The following TPRN variants were observed in gnomAD, a reference collection of about 807,000 sequenced individuals.
TPRN encodes chromosome 9 open reading frame 75.
TPRN carries 32 observed loss-of-function variants against 42.6 expected under a neutral mutation model. The observed-to-expected ratio is 0.75, with a 90% confidence interval of 0.57 to 1.01. TPRN has a LOEUF of 1.01. Ranked by LOEUF, TPRN falls within the 50% of genes least tolerant of loss-of-function variation. The pLI is 0.00. For missense variants in TPRN, 1,095 were observed against 957.5 expected (o/e 1.14, Z -1.90); for synonymous variants, 541 against 445.6 (o/e 1.21, Z -2.70).
In TPRN at chr9:137,191,723, G is replaced by A; in HGVS notation, c.*389C>T. ...GGCAGGGGCTTAGGGTCCTGCAGAGGACAAGTAGCTGGGACAGCCCTTCAC... is the reference window on the plus strand; with the variant it reads ...GGCAGGGGCTTAGGGTCCTGCAGAGAACAAGTAGCTGGGACAGCCCTTCAC... On this transcript the variant is annotated 3_prime_UTR_variant, in exon 4 of 4. Coordinates refer to ENST00000409012, the MANE Select transcript of TPRN (RefSeq NM_001128228.3). 2.7e-6 allele frequency: 1 copy of A among 373,982 alleles called. No individual in the cohort carries two copies. The highest frequency in any genetic ancestry group is 5.2e-6 in the Non-Finnish European group (1 of 192,836). 23.2% of individuals were successfully genotyped at this position (373,982 alleles called of 1,614,324 possible).
chr9:137,194,660 G>C (rs998546840), intron 1 of TPRN: 1 of 152,280 alleles, frequency 6.6e-6, no homozygotes, highest in Non-Finnish European at 1.5e-5. Context: ...TGCGGGGCGG[G>C]GGGTGGACAG....
At chr9:137,196,666 C>T (rs971402509) in intron 1 of TPRN, among the ~76,000 whole-genome samples, 1 of 152,228 alleles carries the variant, frequency 6.6e-6, no homozygotes, top group African/African-American at 2.4e-5. Flanking sequence ...CACCTCGCAC[C>T]CCCACCAGTG....
At chr9:137,192,772 G>A (rs1834646923) in intron 1 of TPRN, 81 bp from the exon 2 acceptor site, 7 of 1,508,974 alleles carry the variant, frequency 4.6e-6, no homozygotes, top group Admixed American at 3.4e-5. Context: ...CAGCCCTCAG[G>A]ATGAGGCTGA....
chr9:137,199,056 G>C lies in TPRN; in HGVS notation c.1656C>G (p.Ile552Met), dbSNP rs368819837. 25 of 1,613,182 alleles carry C rather than the reference G, an allele frequency of 1.5e-5. No homozygotes were observed. Among genetic ancestry groups the C allele is most frequent in the Middle Eastern group, 1.6e-4 (1 of 6,084 alleles). Reference sequence around the variant, plus strand: ...GGGCCAGGTAGCCGCCAATCACCTCGATCTCATGCACGGTGGGGTAGCGCT... The same window carrying C: ...GGGCCAGGTAGCCGCCAATCACCTCCATCTCATGCACGGTGGGGTAGCGCT... ...LKKRYPTVHE[I>M]EVIGGYLALQ... is the part of the protein sequence containing the mutation. The change falls in exon 1 of 4, where the codon ATC becomes ATG. Residue 552 changes from isoleucine (I) to methionine (M), a missense_variant. Ile to Met is a conservative substitution (Grantham distance 10). Coordinates refer to ENST00000409012, the MANE Select transcript of TPRN (RefSeq NM_001128228.3).
At position 137,199,353 on chromosome 9, in the gene TPRN, C is replaced by T. The variant is rs1279998036; in HGVS notation, c.1359G>A (p.Leu453=). 29 of 1,612,778 alleles carry T rather than the reference C, an allele frequency of 1.8e-5. No individual in the cohort carries two copies. Among genetic ancestry groups the T allele is most frequent in the Non-Finnish European group, 2.5e-5 (29 of 1,180,012 alleles). The change falls in exon 1 of 4, where the codon CTG becomes CTA. Residue 453 remains leucine, a synonymous_variant. Transcript: ENST00000409012. ...KNSREYVRPG[L]PVTFIDEVDS... ...CTACCTCATCGATGAAGGTGACAGG[C>T]AGCCCCGGCCTCACATATTCCCGGC...
rs1200091334 is a variant in TPRN at position 137,199,481 on chromosome 9, T to C, written c.1231A>G (p.Ile411Val). 6.3e-7 allele frequency: 1 copy of C among 1,594,842 alleles called. No individual in the cohort carries two copies. Among genetic ancestry groups the C allele is most frequent in the African/African-American group, 1.3e-5 (1 of 74,534 alleles). ...RTATALADRA[I>V]RWQRPSSPPP... Reference sequence around the variant, plus strand: ...GGTGAGGACGGCCTCTGCCACCTAATAGCCCGGTCAGCGAGGGCGGTGGCT... The same window carrying C: ...GGTGAGGACGGCCTCTGCCACCTAACAGCCCGGTCAGCGAGGGCGGTGGCT... The change falls in exon 1 of 4, where the codon ATT becomes GTT. Residue 411 changes from isoleucine to valine, a missense_variant. Ile to Val is a conservative substitution (Grantham distance 29). Transcript: ENST00000409012.
rs1260950693 is a variant in TPRN, at chr9:137,192,701, A to G, written c.1726-10T>C. The G allele has an allele frequency of 6.2e-7, 1 of 1,613,294 alleles. No homozygotes were observed. ...TGAAGGAGATCTTCATCTGGGAGTG[A>G]GAGTCACGTGAACGAGGGCTGAGGG... On this transcript the variant is annotated splice_polypyrimidine_tract_variant and intron_variant, in intron 1 of 3. Coordinates refer to ENST00000409012, the MANE Select transcript of TPRN (RefSeq NM_001128228.3).
rs1348924777 is a variant in TPRN at position 137,192,438 on chromosome 9, G to C, written c.1966+13C>G. 1.6e-5 allele frequency: 25 copies of C among 1,608,402 alleles called. No homozygotes were observed. In the East Asian group the frequency reaches 5.6e-4, roughly 36 times the overall value. ...CCCCTCCCAGGCTGCCTGTCCCCCA[G>C]GTGGGCACTCACCTGAGCTACCCTC... On this transcript the variant is annotated intron_variant, in intron 2 of 3. Transcript: ENST00000409012.
chr9:137,198,306 G>A (rs1834737191), intron 1 of TPRN, among the ~76,000 whole-genome samples: 1 of 152,218 alleles, frequency 6.6e-6, no homozygotes, highest in East Asian at 1.9e-4. Context: ...GTGCCCAGAG[G>A]ATTCCAGGCC....
intron 1 of TPRN, among the ~76,000 whole-genome samples, chr9:137,196,101 CT>C (rs1834700724): frequency 6.6e-6 from 1 of 152,204 alleles, no homozygotes; most frequent in South Asian, 2.1e-4. Flanking sequence ...GGGCAGGCCC[CT>C]CACCGACTCC....
rs1047422375 is a variant in TPRN, at chr9:137,200,300, C to T, written c.412G>A (p.Glu138Lys). ...APPGRVSRLLERFDPPAAPRR... is the reference protein window; with the variant it reads ...APPGRVSRLLKRFDPPAAPRR... ...GGCGCGGCGGGCGGGTCGAACCTCT[C>T]CAGTAGGCGGCTGACGCGGCCGGGC... Residue 138 changes from glutamate (E) to lysine (K), a missense_variant, in exon 1 of 4, where the codon GAG becomes AAG. Transcript: ENST00000409012. This position sits in a 1 kb window ranked among gnomAD's most constrained non-coding sequence, Gnocchi z 4.3. 15 of 995,346 alleles carry T rather than the reference C, an allele frequency of 1.5e-5. No homozygotes were observed. Among genetic ancestry groups the T allele is most frequent in the South Asian group, 4.5e-5 (1 of 22,142 alleles). The allele number at this position is 995,346 out of a possible 1,614,324, so 61.7% of individuals were successfully genotyped here.
Position 137,199,074 on chromosome 9 carries a change from G to A in TPRN, c.1638C>T (p.Tyr546=), listed in dbSNP as rs1405629146. Residue 546 remains tyrosine, a synonymous_variant, in exon 1 of 4, where the codon TAC becomes TAT. Transcript: ENST00000409012. The part of the protein sequence containing the change: ...CLLGPTLKKR[Y]PTVHEIEVIG... ...TCACCTCGATCTCATGCACGGTGGG[G>A]TAGCGCTTCTTCAACGTGGGCCCCA... 6.2e-7 allele frequency: 1 copy of A among 1,613,316 alleles called. No individual in the cohort carries two copies. Among genetic ancestry groups the A allele is most frequent in the Non-Finnish European group, 8.5e-7 (1 of 1,179,996 alleles).
rs368424760 is a variant in TPRN at position 137,199,579 on chromosome 9, G to A, written c.1133C>T (p.Ala378Val). The A allele has an allele frequency of 6.4e-7, 1 of 1,555,884 alleles. No homozygotes were observed. Among genetic ancestry groups the A allele is most frequent in the Non-Finnish European group, 8.7e-7 (1 of 1,150,240 alleles). ...GSQPVPGGDG[A>V]PALGKSPLEV... Reference sequence around the variant, plus strand: ...CAGGGGGCTCTTCCCGAGGGCAGGCGCACCATCCCCTCCAGGCACCGGCTG... The same window carrying A: ...CAGGGGGCTCTTCCCGAGGGCAGGCACACCATCCCCTCCAGGCACCGGCTG... The change falls in exon 1 of 4, where the codon GCG (alanine) becomes GTG (valine). Residue 378 changes from alanine to valine, a missense_variant. Transcript: ENST00000409012.
In TPRN at chr9:137,200,706, G is replaced by A. The variant is rs1398310531; in HGVS notation, c.6C>T (p.Ala2=). The A allele has an allele frequency of 8.5e-6, 10 of 1,171,278 alleles. No individual in the cohort carries two copies. The Admixed American group carries it at 1.7e-4, about 20-fold the overall frequency. 72.6% of individuals were successfully genotyped at this position (1,171,278 alleles called of 1,614,324 possible). M[A]ALGRPGSGPR... Reference sequence around the variant, plus strand: ...GCCCCGAGCCCGGCCGCCCCAGGGCGGCCATGCTGCGAACGCGGCAGCGGA... The same window carrying A: ...GCCCCGAGCCCGGCCGCCCCAGGGCAGCCATGCTGCGAACGCGGCAGCGGA... Residue 2 remains alanine (A), a synonymous_variant, in exon 1 of 4, where the codon GCC becomes GCT. Transcript: ENST00000409012. This position sits in a 1 kb window ranked among gnomAD's most constrained non-coding sequence, Gnocchi z 4.3.
intron 1 of TPRN, among the ~76,000 whole-genome samples, chr9:137,198,318 C>G (rs1374311932): frequency 6.6e-6 from 1 of 152,230 alleles, no homozygotes. Context: ...TTCCAGGCCA[C>G]TGGCCAAGAG....
At position 137,200,292 on chromosome 9, in the gene TPRN, G is replaced by A. The variant is rs1426027199; in HGVS notation, c.420C>T (p.Phe140=). The change falls in exon 1 of 4, where the codon TTC becomes TTT. Residue 140 remains phenylalanine, a synonymous_variant. Transcript: ENST00000409012. The surrounding 1 kb of genome is among the most constrained non-coding windows in gnomAD (Gnocchi z 4.3). Reference sequence around the variant, plus strand: ...GGCGGCGCGGCGCGGCGGGCGGGTCGAACCTCTCCAGTAGGCGGCTGACGC... The same window carrying A: ...GGCGGCGCGGCGCGGCGGGCGGGTCAAACCTCTCCAGTAGGCGGCTGACGC... ...PGRVSRLLER[F]DPPAAPRRRG... is the part of the protein sequence containing the mutation. 1.0e-6 allele frequency: 1 copy of A among 990,094 alleles called. No individual in the cohort carries two copies. Among genetic ancestry groups the A allele is most frequent in the Non-Finnish European group, 1.2e-6 (1 of 835,430 alleles). The allele number at this position is 990,094 out of a possible 1,614,324, so 61.3% of individuals were successfully genotyped here. A position where few individuals can be genotyped will look rare whatever the true frequency, so the allele number is the denominator to read the frequency against.
At position 137,200,681 on chromosome 9, in the gene TPRN, G is replaced by A. The variant is rs1192504670; in HGVS notation, c.31C>T (p.Pro11Ser). The A allele has an allele frequency of 4.9e-6, 6 of 1,218,462 alleles. No individual in the cohort carries two copies. The highest frequency in any genetic ancestry group is 2.3e-5 in the South Asian group (1 of 44,384). 75.5% of individuals were successfully genotyped at this position (1,218,462 alleles called of 1,614,324 possible). Residue 11 changes from proline to serine, a missense_variant, in exon 1 of 4, where the codon CCG (proline) becomes TCG (serine). Transcript: ENST00000409012. The surrounding 1 kb of genome is among the most constrained non-coding windows in gnomAD (Gnocchi z 4.3). Reference protein sequence around the residue: MAALGRPGSGPRAAVPAWKRE... With the variant: MAALGRPGSGSRAAVPAWKRE... Reference sequence around the variant, plus strand: ...TTCCAAGCGGGCACCGCAGCGCGCGGCCCCGAGCCCGGCCGCCCCAGGGCG... The same window carrying A: ...TTCCAAGCGGGCACCGCAGCGCGCGACCCCGAGCCCGGCCGCCCCAGGGCG...
Position 137,200,212 on chromosome 9 carries a change from G to A in TPRN, c.500C>T (p.Pro167Leu). The change falls in exon 1 of 4, where the codon CCC becomes CTC. Residue 167 changes from proline to leucine, a missense_variant. Coordinates refer to ENST00000409012, the MANE Select transcript of TPRN (RefSeq NM_001128228.3). This position sits in a 1 kb window ranked among gnomAD's most constrained non-coding sequence, Gnocchi z 4.3. The part of the protein sequence containing the change: ...PPPPPPPPAP[P>L]RPPPAAPSPP... ...GCTGGGGGCCGCGGGCGGGGGCCGG[G>A]GCGGCGCGGGCGGCGGCGGCGGCGG... 1 of 953,184 alleles carries A rather than the reference G, an allele frequency of 1.0e-6. No homozygotes were observed. Among genetic ancestry groups the A allele is most frequent in the Non-Finnish European group, 1.2e-6 (1 of 805,030 alleles). 59.0% of individuals were successfully genotyped at this position (953,184 alleles called of 1,614,324 possible). A position where few individuals can be genotyped will look rare whatever the true frequency, so the allele number is the denominator to read the frequency against.
At position 137,199,080 on chromosome 9, in the gene TPRN, C is replaced by T. The variant is rs529691506; in HGVS notation, c.1632G>A (p.Lys544=). The T allele has an allele frequency of 1.9e-6, 3 of 1,613,284 alleles. No homozygotes were observed. The highest frequency in any genetic ancestry group is 1.1e-5 in the South Asian group (1 of 91,092). Residue 544 remains lysine, a synonymous_variant, in exon 1 of 4, where the codon AAG becomes AAA. Transcript: ENST00000409012. ...CGATCTCATGCACGGTGGGGTAGCG[C>T]TTCTTCAACGTGGGCCCCAGGAGGC... ...ASCLLGPTLK[K]RYPTVHEIEV...
Sources: gnomAD v4.1 joint callset for allele counts (sites outside exome capture counted in the v4.1 genomes callset) on GRCh38, gnomAD v4.1.1 for gene constraint, Gnocchi (gnomAD v3.1) non-coding constraint, MANE v1.5 for transcripts, NCBI Gene and HGNC (gene_info 2026-07-23, HGNC 2026-07-21) for gene names.